Variants in PTPRT observed in about 807,000 individuals in gnomAD.
PTPRT encodes the protein protein tyrosine phosphatase receptor type T.
In PTPRT, 56 loss-of-function variants were observed where a neutral mutation model predicts 176.8. The ratio of observed to expected loss-of-function variants is 0.32; its 90% CI spans 0.26 to 0.40. The LOEUF (loss-of-function observed/expected upper bound fraction) is 0.40, where lower values mean the gene tolerates loss of function less well. Among genes scored for constraint, PTPRT ranks in the 10% least tolerant of loss-of-function variants. The pLI is 1.00. For synonymous variants in PTPRT, 783 were observed against 739.0 expected, an observed-to-expected ratio of 1.06 and a Z score of -0.96; for missense variants, 1,540 against 1,908.2, an observed-to-expected ratio of 0.81 and a Z score of 3.60.
chr20:42,150,428 A>G (rs1244698905), intron 17 of PTPRT, among the ~76,000 whole-genome samples: 1 of 152,198 alleles, frequency 6.6e-6, no homozygotes, highest in African/African-American at 2.4e-5. Context: ...GCTCCAGGGC[A>G]CAGCTGAGGG....
chr20:42,426,837 C>T (rs1432691706), intron 9 of PTPRT, among the ~76,000 whole-genome samples: 1 of 152,168 alleles, frequency 6.6e-6, no homozygotes, highest in Non-Finnish European at 1.5e-5. Context: ...ATAGGTTGGT[C>T]AGATGGCTGA....
At chr20:42,151,335 G>T (rs1215623013) in intron 17 of PTPRT, among the ~76,000 whole-genome samples, 1 of 151,998 alleles carries the variant, frequency 6.6e-6, no homozygotes, top group Non-Finnish European at 1.5e-5. Flanking sequence ...AGGCCCTGGG[G>T]TGTCATATTC....
At chr20:42,367,272 G>C (rs148528920) in intron 9 of PTPRT, among the ~76,000 whole-genome samples, 31 of 152,304 alleles carry the variant, frequency 2.0e-4, no homozygotes, top group African/African-American at 7.2e-4. Context: ...GTGTATAAGA[G>C]AGCTTGAAAA....
chr20:42,565,078 C>T (rs1429076536), intron 7 of PTPRT, among the ~76,000 whole-genome samples: 1 of 152,044 alleles, frequency 6.6e-6, no homozygotes, highest in African/African-American at 2.4e-5. Context: ...TCTGGCGCCC[C>T]GGGTCCTTCG....
At chr20:42,088,372 G>C (rs559867644) in intron 27 of PTPRT, among the ~76,000 whole-genome samples, 2 of 152,294 alleles carry the variant, frequency 1.3e-5, no homozygotes, top group Admixed American at 6.5e-5. Flanking sequence ...CATCGAAGGG[G>C]GTGCTTGCTC....
At chr20:42,154,856 A>C (rs1016757080) in intron 17 of PTPRT, among the ~76,000 whole-genome samples, 5 of 151,982 alleles carry the variant, frequency 3.3e-5, no homozygotes, top group Admixed American at 6.6e-5. Context: ...GGAGAACTGG[A>C]GCTGGGGGGG....
At chr20:42,166,542 T>A (rs1989832539) in intron 16 of PTPRT, among the ~76,000 whole-genome samples, 2 of 152,254 alleles carry the variant, frequency 1.3e-5, no homozygotes, top group Non-Finnish European at 2.9e-5. Context: ...TGCCTCATTA[T>A]GAATGATAGT....
chr20:42,075,588 C>T lies in PTPRT; in HGVS notation c.*5291G>A. 4.8e-6 allele frequency: 1 copy of T among 208,846 alleles called. No individual in the cohort carries two copies. The highest frequency in any genetic ancestry group is 7.2e-5 in the East Asian group (1 of 13,860). The allele number at this position is 208,846 out of a possible 1,614,324, so 12.9% of individuals were successfully genotyped here. ...AGGCAGTGAGGTACCAAGGAATTATCATTTCCTTCAATGTCTCTGGATCTG... is the reference window on the plus strand; with the variant it reads ...AGGCAGTGAGGTACCAAGGAATTATTATTTCCTTCAATGTCTCTGGATCTG... On this transcript the variant is annotated 3_prime_UTR_variant, in exon 31 of 31. Coordinates refer to ENST00000373187, the MANE Select transcript of PTPRT (RefSeq NM_007050.6).
chr20:42,351,398 C>T (rs935525039), intron 10 of PTPRT, among the ~76,000 whole-genome samples: 3 of 152,298 alleles, frequency 2.0e-5, no homozygotes, highest in African/African-American at 4.8e-5. Context: ...AATTAAATTA[C>T]GTCCATCCAC....
At chr20:42,753,682 G>A (rs893152419) in intron 6 of PTPRT, among the ~76,000 whole-genome samples, 3 of 152,130 alleles carry the variant, frequency 2.0e-5, no homozygotes, top group African/African-American at 4.8e-5. Context: ...GCTAGCACCA[G>A]CCCCTCCTCT....
chr20:42,697,199 T>C (rs7271060), intron 6 of PTPRT, among the ~76,000 whole-genome samples: 4,482 of 152,240 alleles, frequency 0.029, 238 homozygotes, highest in African/African-American at 0.1. Flanking sequence ...AGAATCACCA[T>C]TGAAGGTGAA....
chr20:42,894,233 G>A (rs1473039306), intron 1 of PTPRT, among the ~76,000 whole-genome samples: 1 of 152,104 alleles, frequency 6.6e-6, no homozygotes, highest in East Asian at 1.9e-4. Flanking sequence ...TTTGCGAGAG[G>A]ACCAGAATGA....
intron 17 of PTPRT, among the ~76,000 whole-genome samples, chr20:42,153,278 C>A (rs1989213039): frequency 6.6e-6 from 1 of 152,104 alleles, no homozygotes; most frequent in Non-Finnish European, 1.5e-5. Context: ...TGTTTCTGGC[C>A]AGATTAGTGT....
intron 12 of PTPRT, among the ~76,000 whole-genome samples, chr20:42,306,197 G>T (rs1279165090): frequency 1.3e-5 from 2 of 152,300 alleles, no homozygotes; most frequent in East Asian, 3.9e-4. Flanking sequence ...TTAGCAACCT[G>T]GGAGAGCTCA....
Position 42,326,041 on chromosome 20 carries a change from G to T in PTPRT, c.1866-10045C>A, listed in dbSNP as rs1378960551. Among the ~76,000 whole-genome samples, 4 of 152,132 alleles carry T rather than the reference G, an allele frequency of 2.6e-5. No homozygotes were observed. In the East Asian group the frequency reaches 7.7e-4, roughly 29 times the overall value. On this transcript the variant is annotated intron_variant, in intron 11 of 30. Transcript: ENST00000373187. Reference sequence around the variant, plus strand: ...GACCACTTTATTTAAAATAGCAACCGAAATCCACAATATAGCCAATTACAC... The same window carrying T: ...GACCACTTTATTTAAAATAGCAACCTAAATCCACAATATAGCCAATTACAC...
rs1025275953 is a variant in PTPRT, at chr20:43,085,305, G to T, written c.88+104341C>A. Among the ~76,000 whole-genome samples, 4 of 152,098 alleles carry T rather than the reference G, an allele frequency of 2.6e-5. No individual in the cohort carries two copies. The East Asian group carries it at 7.7e-4, about 29-fold the overall frequency. On this transcript the variant is annotated intron_variant, in intron 1 of 30. Transcript: ENST00000373187. ...TTGCTCCTACACCAAACTCTACAAG[G>T]TGTATGGCATTCAAGTAGTTTTGTG...
chr20:42,540,432 A>G (rs936210704), intron 7 of PTPRT, among the ~76,000 whole-genome samples: 8 of 152,150 alleles, frequency 5.3e-5, no homozygotes, highest in African/African-American at 1.7e-4. Context: ...GTTATTGGCA[A>G]TAGGAGCAGG....
intron 7 of PTPRT, among the ~76,000 whole-genome samples, chr20:42,668,501 G>C (rs1437001075): frequency 1.3e-5 from 2 of 152,122 alleles, no homozygotes; most frequent in East Asian, 3.9e-4. Context: ...TAGGGGAAGT[G>C]AGTCTCTGGG....
At chr20:42,147,769 G>C (rs1356504440) in intron 17 of PTPRT, among the ~76,000 whole-genome samples, 1 of 152,184 alleles carries the variant, frequency 6.6e-6, no homozygotes, top group African/African-American at 2.4e-5. Context: ...CTCCCTTAGT[G>C]GGGGCTGAAG....
Sources: allele counts gnomAD v4.1 joint callset (sites outside exome capture counted in the v4.1 genomes callset), GRCh38; gene constraint gnomAD v4.1.1; transcripts MANE v1.5; gene names NCBI Gene and HGNC (gene_info 2026-07-23, HGNC 2026-07-21).